NCKAP5: variants seen among roughly 807,000 people sequenced by gnomAD.
NCKAP5 encodes the protein nck-associated protein 5.
In NCKAP5, 92 loss-of-function variants were observed where a neutral mutation model predicts 167.0. The observed-to-expected ratio is 0.55, with a 90% CI of 0.47 to 0.66. The LOEUF is 0.66. Among genes scored for constraint, NCKAP5 ranks in the 30% least tolerant of loss-of-function variants. The pLI, the probability that NCKAP5 is intolerant of heterozygous loss-of-function variation, is 0.00. For missense variants in NCKAP5, 2,378 were observed against 2,315.0 expected (o/e 1.03, Z -0.56); for synonymous variants, 891 against 877.4 (o/e 1.02, Z -0.27).
chr2:133,562,813 T>C lies in NCKAP5; in HGVS notation c.-129-3696A>G, dbSNP rs142352669. Reference sequence around the variant, plus strand: ...AACTACGGGGAAGTACCCTGTGTAATTGAGGCTTCCAAACTGACACGATAC... The same window carrying C: ...AACTACGGGGAAGTACCCTGTGTAACTGAGGCTTCCAAACTGACACGATAC... On this transcript the variant is annotated intron_variant, in intron 1 of 19. Transcript: ENST00000409261. 2.6e-5 allele frequency among the ~76,000 whole-genome samples: 4 copies of C among 152,332 alleles called. No individual in the cohort carries two copies. The East Asian group carries it at 7.7e-4, about 29-fold the overall frequency.
chr2:132,915,132 G>C (rs2148970746), intron 8 of NCKAP5, among the ~76,000 whole-genome samples: 1 of 152,172 alleles, frequency 6.6e-6, no homozygotes, highest in East Asian at 1.9e-4. Flanking sequence ...GACATGTGAT[G>C]AACCTAAGAC....
chr2:133,367,578 G>A (rs2150896166), intron 3 of NCKAP5, among the ~76,000 whole-genome samples: 1 of 152,214 alleles, frequency 6.6e-6, no homozygotes, highest in African/African-American at 2.4e-5. Flanking sequence ...ACATAAGTCT[G>A]GAACAGGACT....
At chr2:133,094,346 T>C (rs1238093701) in intron 6 of NCKAP5, among the ~76,000 whole-genome samples, 2 of 152,180 alleles carry the variant, frequency 1.3e-5, no homozygotes, top group East Asian at 3.8e-4. Flanking sequence ...AAATTCTATT[T>C]TAGTATTTGG....
intron 6 of NCKAP5, among the ~76,000 whole-genome samples, chr2:133,056,513 C>A (rs1278278189): frequency 6.6e-6 from 1 of 152,120 alleles, no homozygotes; most frequent in Non-Finnish European, 1.5e-5. Flanking sequence ...CTTAAAGTGT[C>A]TGTCTTCACT....
chr2:133,299,267 A>G (rs1002770839), intron 4 of NCKAP5, among the ~76,000 whole-genome samples: 27 of 152,328 alleles, frequency 1.8e-4, no homozygotes, highest in African/African-American at 5.3e-4. Context: ...GCCTGAAAGA[A>G]GATAAATTTT....
intron 4 of NCKAP5, among the ~76,000 whole-genome samples, chr2:133,239,059 T>C (rs900629056): frequency 2.0e-5 from 3 of 152,220 alleles, no homozygotes; most frequent in Non-Finnish European, 2.9e-5. Context: ...CAGTCCATCA[T>C]GTTGGATTCC....
intron 3 of NCKAP5, among the ~76,000 whole-genome samples, chr2:133,338,741 C>G (rs1221137546): frequency 6.6e-6 from 1 of 152,178 alleles, no homozygotes; most frequent in Non-Finnish European, 1.5e-5. Context: ...GGCATGGTGG[C>G]TGACGCCTGT....
chr2:133,287,349 A>G (rs962885792), intron 4 of NCKAP5, among the ~76,000 whole-genome samples: 1 of 152,224 alleles, frequency 6.6e-6, no homozygotes, highest in Non-Finnish European at 1.5e-5. Context: ...GACCCCATCC[A>G]TATTTCTATT....
intron 2 of NCKAP5, among the ~76,000 whole-genome samples, chr2:133,518,701 T>A (rs1684234925): frequency 6.6e-6 from 1 of 152,104 alleles, no homozygotes; most frequent in African/African-American, 2.4e-5. Flanking sequence ...GGACAAGTCA[T>A]TTAACCTCTC....
chr2:133,232,748 T>G (rs746515172), intron 4 of NCKAP5, among the ~76,000 whole-genome samples: 1 of 152,192 alleles, frequency 6.6e-6, no homozygotes, highest in African/African-American at 2.4e-5. Flanking sequence ...AGATAGGCTC[T>G]ATCTAGCTAA....
intron 3 of NCKAP5, among the ~76,000 whole-genome samples, chr2:133,498,628 A>G (rs28420171): frequency 6.6e-6 from 1 of 151,818 alleles, no homozygotes; most frequent in African/African-American, 2.4e-5. Context: ...ATAAATATGT[A>G]CAACTTTTAT....
intron 7 of NCKAP5, among the ~76,000 whole-genome samples, chr2:132,969,823 C>T (rs985527657): frequency 6.6e-6 from 1 of 152,212 alleles, no homozygotes; most frequent in African/African-American, 2.4e-5. Context: ...AGTCACTGAC[C>T]TAAAGGCATA....
chr2:133,070,408 C>G (rs1254651719), intron 6 of NCKAP5, among the ~76,000 whole-genome samples: 1 of 152,146 alleles, frequency 6.6e-6, no homozygotes, highest in Non-Finnish European at 1.5e-5. Flanking sequence ...GCCTCAATAC[C>G]TGCTCCCCAG....
At chr2:133,621,075 G>T in the NCKAP5 span, among the ~76,000 whole-genome samples, 1 of 152,022 alleles carries the variant, frequency 6.6e-6, no homozygotes, top group South Asian at 2.1e-4. Flanking sequence ...TGAATTGAAC[G>T]ATAATAGTGA....
At chr2:133,563,564 TAAAAAAA>T (rs57901498) in intron 1 of NCKAP5, among the ~76,000 whole-genome samples, 32 of 53,012 alleles carry the variant, frequency 6.0e-4, no homozygotes, top group African/African-American at 2.0e-3. Flanking sequence ...AAAGACTCCA[TAAAAAAA>T]AAAAAAAAAA....
At chr2:132,831,228 T>G (rs953754729) in intron 11 of NCKAP5, among the ~76,000 whole-genome samples, 4 of 152,222 alleles carry the variant, frequency 2.6e-5, no homozygotes, top group Non-Finnish European at 5.9e-5. Flanking sequence ...TATTTCTGAT[T>G]CTTTGTTGTT....
chr2:132,902,964 ATGTAGGT>A (rs1370054461), intron 8 of NCKAP5, among the ~76,000 whole-genome samples: 1 of 152,180 alleles, frequency 6.6e-6, no homozygotes, highest in African/African-American at 2.4e-5. Flanking sequence ...GCATCCACTT[ATGTAGGT>A]GTGAATTCTG....
intron 2 of NCKAP5, among the ~76,000 whole-genome samples, chr2:133,524,778 C>T (rs773372104): frequency 1.3e-5 from 2 of 152,162 alleles, no homozygotes; most frequent in African/African-American, 2.4e-5. Context: ...TAAACACGTA[C>T]CTACAGCAGT....
intron 4 of NCKAP5, among the ~76,000 whole-genome samples, chr2:133,285,905 C>A (rs536176281): frequency 7.9e-5 from 12 of 152,258 alleles, no homozygotes; most frequent in Admixed American, 4.6e-4. Flanking sequence ...AGCTGAAACT[C>A]ACGTCCTTCC....
Sources: gnomAD v4.1 joint callset for allele counts (sites outside exome capture counted in the v4.1 genomes callset) on GRCh38, gnomAD v4.1.1 for gene constraint, MANE v1.5 for transcripts, NCBI Gene and HGNC (gene_info 2026-07-23, HGNC 2026-07-21) for gene names.